Variants in SOS1 observed in about 807,000 individuals in gnomAD.
The protein encoded by SOS1 is son of sevenless homolog 1.
A neutral mutation model predicts 157.6 loss-of-function variants in SOS1; 25 were observed. That is an observed-to-expected ratio of 0.16 (90% CI 0.12 to 0.22). SOS1 has a LOEUF of 0.22. SOS1 is among the 10% of genes least tolerant of loss of function. The probability of loss-of-function intolerance (pLI) is 1.00; values close to 1 mark genes in which losing one functional copy is unlikely to be tolerated. For missense variants in SOS1, 1,237 were observed against 1,599.1 expected, an observed-to-expected ratio of 0.77 and a Z score of 3.86; for synonymous variants, 528 against 534.0, an observed-to-expected ratio of 0.99 and a Z score of 0.16.
intron 2 of SOS1, among the ~76,000 whole-genome samples, chr2:39,064,456 G>A (rs977505235): frequency 2.0e-5 from 3 of 152,082 alleles, no homozygotes. Context: ...TTTCCTCATT[G>A]ACTAGGATTC....
At chr2:39,083,730 T>C (rs1438946724) in intron 1 of SOS1, among the ~76,000 whole-genome samples, 2 of 152,196 alleles carry the variant, frequency 1.3e-5, no homozygotes, top group Admixed American at 1.3e-4. Context: ...TTTTGGGAAT[T>C]TATCCTGTAA....
intron 1 of SOS1, among the ~76,000 whole-genome samples, chr2:39,093,664 G>T (rs1423108509): frequency 1.3e-5 from 2 of 152,232 alleles, no homozygotes; most frequent in African/African-American, 4.8e-5. Context: ...GGAGACCAGT[G>T]TGACTACAGC....
intron 1 of SOS1, among the ~76,000 whole-genome samples, chr2:39,102,666 C>T (rs1019049495): frequency 1.3e-4 from 19 of 151,988 alleles, no homozygotes; most frequent in Non-Finnish European, 2.2e-4. Flanking sequence ...CTGGTGCGGC[C>T]GGGCATGGTA....
At chr2:39,073,971 C>T (rs1650472938) in intron 1 of SOS1, among the ~76,000 whole-genome samples, 1 of 152,172 alleles carries the variant, frequency 6.6e-6, no homozygotes, top group African/African-American at 2.4e-5. Context: ...TGTTACAATT[C>T]TTTAGTCAAT....
chr2:39,114,308 TTTC>T (rs1380536958), intron 1 of SOS1, among the ~76,000 whole-genome samples: 9 of 151,574 alleles, frequency 5.9e-5, no homozygotes, highest in African/African-American at 2.2e-4. Flanking sequence ...CTTTTTTTTT[TTTC>T]TTTTTTTCTG....
chr2:39,026,554 GAA>G (rs1181994040), intron 8 of SOS1, among the ~76,000 whole-genome samples: 1 of 152,122 alleles, frequency 6.6e-6, no homozygotes, highest in African/African-American at 2.4e-5. Context: ...GGTTCATAAA[GAA>G]AGATACTAGG....
At position 38,981,870 on chromosome 2, in the gene SOS1, A is replaced by G. The variant is rs757234736; in HGVS notation, c.*3954T>C. The G allele has an allele frequency of 3.9e-5, 6 of 152,172 alleles. No homozygotes were observed. Among genetic ancestry groups the G allele is most frequent in the Non-Finnish European group, 7.4e-5 (5 of 68,018 alleles). The allele number at this position is 152,172 out of a possible 1,614,324, so 9.4% of individuals were successfully genotyped here. A position where few individuals can be genotyped will look rare whatever the true frequency, so the allele number is the denominator to read the frequency against. On this transcript the variant is annotated 3_prime_UTR_variant, in exon 23 of 23. Transcript: ENST00000402219. ...ATTATACATGTCACTTTGACAAACA[A>G]ATTCTCTGGTGGTTTCACCAGATAT...
At chr2:39,072,131 A>G (rs1671814112) in intron 1 of SOS1, among the ~76,000 whole-genome samples, 1 of 152,136 alleles carries the variant, frequency 6.6e-6, no homozygotes, top group Admixed American at 6.6e-5. Flanking sequence ...CCCTGCTTGT[A>G]TGGTCCTTAT....
In SOS1 at chr2:39,042,403, A is replaced by C. The variant is rs184225299; in HGVS notation, c.865-6903T>G. On this transcript the variant is annotated intron_variant, in intron 6 of 22. Transcript: ENST00000402219. ...CTTGTGAATCTAATTTTATGTATTT[A>C]TTTATTTATTTATTTTTTGAGATGG... Among the ~76,000 whole-genome samples the C allele has an allele frequency of 1.1e-4, 16 of 151,556 alleles. 1 individual carries two copies. The East Asian group carries it at 2.7e-3, about 26-fold the overall frequency.
chr2:39,086,751 T>C lies in SOS1; in HGVS notation c.88-18998A>G, dbSNP rs574705109. ...GTTCTAGGAAAGGAAGGGAGTCTGCTGACTCCTGGGCTCAACTGTGGCAAA... is the reference window on the plus strand; with the variant it reads ...GTTCTAGGAAAGGAAGGGAGTCTGCCGACTCCTGGGCTCAACTGTGGCAAA... On this transcript the variant is annotated intron_variant, in intron 1 of 22. Coordinates refer to ENST00000402219, the MANE Select transcript of SOS1 (RefSeq NM_005633.4). 1.4e-3 allele frequency among the ~76,000 whole-genome samples: 220 copies of C among 152,312 alleles called. 3 individuals carry two copies. Among genetic ancestry groups the C allele is most frequent in the Non-Finnish European group, 1.2e-3 (81 of 68,022 alleles).
chr2:39,005,638 G>A (rs1216520275), intron 17 of SOS1, among the ~76,000 whole-genome samples: 2 of 151,966 alleles, frequency 1.3e-5, no homozygotes, highest in Non-Finnish European at 2.9e-5. Flanking sequence ...AATAAAATGT[G>A]GGAAAATATA....
At chr2:39,081,475 G>A (rs932601852) in intron 1 of SOS1, among the ~76,000 whole-genome samples, 10 of 150,000 alleles carry the variant, frequency 6.7e-5, no homozygotes, top group South Asian at 2.1e-4. Flanking sequence ...AGCCGAGATC[G>A]CGCCACTGCA....
At chr2:39,038,217 A>T (rs1670423213) in intron 6 of SOS1, among the ~76,000 whole-genome samples, 1 of 152,178 alleles carries the variant, frequency 6.6e-6, no homozygotes, top group African/African-American at 2.4e-5. Flanking sequence ...TATTTATGGG[A>T]AAGGTCAAAA....
intron 20 of SOS1, chr2:38,992,351 G>A (rs1372157348): frequency 6.6e-6 from 1 of 152,194 alleles, no homozygotes; most frequent in Non-Finnish European, 1.5e-5. Context: ...AACAAAGGGA[G>A]TAGTAATAGG....
At chr2:39,060,070 A>C (rs1324621081) in intron 2 of SOS1, among the ~76,000 whole-genome samples, 1 of 152,188 alleles carries the variant, frequency 6.6e-6, no homozygotes, top group Non-Finnish European at 1.5e-5. Flanking sequence ...AAGGGAGAGA[A>C]GGGAACATCC....
At chr2:39,042,652 C>T (rs1015013930) in intron 6 of SOS1, among the ~76,000 whole-genome samples, 1 of 151,778 alleles carries the variant, frequency 6.6e-6, no homozygotes, top group Admixed American at 6.6e-5. Flanking sequence ...ATCCGCCCGC[C>T]TCAGCCTCCA....
At chr2:39,009,222 A>T (rs916146537) in intron 15 of SOS1, among the ~76,000 whole-genome samples, 1 of 152,126 alleles carries the variant, frequency 6.6e-6, no homozygotes, top group East Asian at 1.9e-4. Context: ...GAAATAAAAA[A>T]CTTACTGGAT....
chr2:39,117,265 T>TG (rs1673687320), intron 1 of SOS1, among the ~76,000 whole-genome samples: 1 of 152,148 alleles, frequency 6.6e-6, no homozygotes, highest in African/African-American at 2.4e-5. Context: ...CCTGACCTCG[T>TG]GATCCGCCCA....
At chr2:39,061,106 A>AT (rs983304757) in intron 2 of SOS1, among the ~76,000 whole-genome samples, 2 of 152,178 alleles carry the variant, frequency 1.3e-5, no homozygotes, top group African/African-American at 2.4e-5. Context: ...ATCTCGAATG[A>AT]TTTTTAAAAA....
Sources: allele counts gnomAD v4.1 joint callset (sites outside exome capture counted in the v4.1 genomes callset), GRCh38; gene constraint gnomAD v4.1.1; transcripts MANE v1.5; gene names NCBI Gene and HGNC (gene_info 2026-07-23, HGNC 2026-07-21).